Variants in OCM observed in about 807,000 individuals in gnomAD.
The protein encoded by OCM is oncomodulin-1.
In OCM, 18 loss-of-function variants were observed where a neutral mutation model predicts 14.1. That is an observed-to-expected ratio of 1.28 (90% CI 0.88 to 1.89). OCM has a LOEUF of 1.89. Ranked by LOEUF, OCM falls within the 40% of genes most tolerant of loss-of-function variation. The probability of loss-of-function intolerance (pLI) is 0.00; values close to 1 mark genes in which losing one functional copy is unlikely to be tolerated. For missense variants in OCM, 140 were observed against 137.6 expected (o/e 1.02, Z -0.09); for synonymous variants, 48 against 51.0 (o/e 0.94, Z 0.25).
upstream of OCM, among the ~76,000 whole-genome samples, chr7:5,878,875 T>TAAAA (rs57901741): frequency 5.9e-5 from 6 of 102,026 alleles, no homozygotes; most frequent in Admixed American, 1.1e-4. Flanking sequence ...TGCTGAAAGT[T>TAAAA]AAAAAAAAAA....
At chr7:5,885,315 C>T (rs558250487) in intron 3 of OCM, among the ~76,000 whole-genome samples, 49 of 152,224 alleles carry the variant, frequency 3.2e-4, no homozygotes, top group African/African-American at 8.7e-4. Context: ...AAGTCCCACC[C>T]TATCAAATAT....
upstream of OCM, among the ~76,000 whole-genome samples, chr7:5,877,093 A>C (rs1046892593): frequency 2.0e-5 from 3 of 152,058 alleles, no homozygotes; most frequent in Non-Finnish European, 4.4e-5. Flanking sequence ...GGCGTGAGCC[A>C]CCACACCCGG....
At chr7:5,885,485 A>G (rs1781312045) in intron 3 of OCM, among the ~76,000 whole-genome samples, 1 of 152,156 alleles carries the variant, frequency 6.6e-6, no homozygotes, top group Non-Finnish European at 1.5e-5. Flanking sequence ...GACAAGTTCT[A>G]ATTCAAAGAC....
chr7:5,874,223 C>CAAA, the OCM span, among the ~76,000 whole-genome samples: 77 of 31,490 alleles, frequency 2.4e-3, 9 homozygotes, highest in African/African-American at 6.1e-3. Flanking sequence ...GACTCTGTCT[C>CAAA]AAAAAAAAAA....
In OCM at chr7:5,882,555, A is replaced by G. The variant is rs371444161; in HGVS notation, c.124A>G (p.Asn42Asp). The G allele has an allele frequency of 1.2e-6, 2 of 1,614,152 alleles. No individual in the cohort carries two copies. Among genetic ancestry groups the G allele is most frequent in the Non-Finnish European group, 1.7e-6 (2 of 1,180,036 alleles). ...ATCAGGCCTCTCCAAGATGTCAGCC[A>G]ATCAGGTGAAGGATGTTTTCCGGTT... ...QTSGLSKMSA[N>D]QVKDVFRFID... Residue 42 changes from asparagine to aspartate, a missense_variant, in exon 2 of 4, where the codon AAT (asparagine) becomes GAT (aspartate). Asn to Asp is a conservative substitution (Grantham distance 23, BLOSUM62 1). Coordinates refer to ENST00000242104, the MANE Select transcript of OCM (RefSeq NM_001097622.2).
the OCM span, among the ~76,000 whole-genome samples, chr7:5,867,404 C>G: frequency 6.6e-6 from 1 of 152,094 alleles, no homozygotes; most frequent in Non-Finnish European, 1.5e-5. Context: ...TGACCTTCAT[C>G]TTCTCTTTAT....
At position 5,883,919 on chromosome 7, in the gene OCM, C is replaced by G; in HGVS notation, c.224C>G (p.Ala75Gly). 2 of 1,612,698 alleles carry G rather than the reference C, an allele frequency of 1.2e-6. No homozygotes were observed. Among genetic ancestry groups the G allele is most frequent in the South Asian group, 1.1e-5 (1 of 90,830 alleles). ...KFFLQKFESG[A>G]RELTESETKS... is the part of the protein sequence containing the mutation. Reference sequence around the variant, plus strand: ...TTCCTCCAGAAGTTTGAGAGTGGTGCCAGAGAACTGACCGAGTCAGAAACC... The same window carrying G: ...TTCCTCCAGAAGTTTGAGAGTGGTGGCAGAGAACTGACCGAGTCAGAAACC... Residue 75 changes from alanine (A) to glycine (G), a missense_variant, in exon 3 of 4, where the codon GCC becomes GGC. Coordinates refer to ENST00000242104, the MANE Select transcript of OCM (RefSeq NM_001097622.2).
At chr7:5,874,062 A>T in the OCM span, among the ~76,000 whole-genome samples, 6 of 144,150 alleles carry the variant, frequency 4.2e-5, no homozygotes, top group East Asian at 2.0e-4. Context: ...CTAAAAATAA[A>T]AAAAAAAAAA....
upstream of OCM, among the ~76,000 whole-genome samples, chr7:5,876,782 T>C (rs192148447): frequency 2.2e-3 from 331 of 151,848 alleles, 2 homozygotes; most frequent in African/African-American, 7.7e-3. Context: ...GGTCCTGCTC[T>C]AGGTATCCTG....
chr7:5,880,923 A>G lies in OCM; in HGVS notation c.34A>G (p.Ile12Val), dbSNP rs768577237. 10 of 1,607,090 alleles carry G rather than the reference A, an allele frequency of 6.2e-6. No individual in the cohort carries two copies. In the Admixed American group the frequency reaches 1.7e-4, roughly 27 times the overall value. ...CACGGACGTGCTCAGTGCTGACGAC[A>G]TTGCAGCAGCGCTCCAGGAATGCCG... ...SITDVLSADD[I>V]AAALQECRDP... The change falls in exon 1 of 4, where the codon ATT (isoleucine) becomes GTT (valine). Residue 12 changes from isoleucine to valine, a missense_variant. Ile to Val is a conservative substitution (Grantham distance 29). Transcript: ENST00000242104.
intron 3 of OCM, among the ~76,000 whole-genome samples, chr7:5,884,280 C>G (rs1306874759): frequency 6.6e-6 from 1 of 152,184 alleles, no homozygotes; most frequent in Non-Finnish European, 1.5e-5. Flanking sequence ...AGCTAGCCAC[C>G]TGGCCAATTA....
At chr7:5,867,370 GTC>G in the OCM span, among the ~76,000 whole-genome samples, 9 of 152,082 alleles carry the variant, frequency 5.9e-5, no homozygotes, top group Non-Finnish European at 1.2e-4. Flanking sequence ...AACATATTGT[GTC>G]TCTTTTTTCT....
At chr7:5,874,468 A>G in the OCM span, among the ~76,000 whole-genome samples, 2 of 152,080 alleles carry the variant, frequency 1.3e-5, no homozygotes, top group Admixed American at 1.3e-4. Context: ...TATGCAACAT[A>G]AAATACATAA....
chr7:5,869,050 G>A, the OCM span, among the ~76,000 whole-genome samples: 1 of 151,958 alleles, frequency 6.6e-6, no homozygotes, highest in Non-Finnish European at 1.5e-5. Flanking sequence ...GCAACAGAGT[G>A]AGACTCTGTC....
At chr7:5,876,246 C>T (rs925015533), upstream of OCM, among the ~76,000 whole-genome samples, 2 of 152,050 alleles carry the variant, frequency 1.3e-5, no homozygotes, top group Non-Finnish European at 2.9e-5. Flanking sequence ...TCAGGTAATC[C>T]ACGTGCCTCG....
intron 1 of OCM, 106 bp from the exon 2 acceptor site, chr7:5,882,387 A>G (rs1383457437): frequency 6.1e-6 from 8 of 1,315,852 alleles, no homozygotes; most frequent in Non-Finnish European, 8.6e-6. Flanking sequence ...CCCGTAGCTC[A>G]GGGATATTGT....
chr7:5,874,749 T>C, the OCM span, among the ~76,000 whole-genome samples: 2 of 151,990 alleles, frequency 1.3e-5, no homozygotes, highest in Admixed American at 6.6e-5. Context: ...CAAGCAATTT[T>C]CACGCCTCAG....
chr7:5,870,532 AT>A, the OCM span, among the ~76,000 whole-genome samples: 1 of 152,126 alleles, frequency 6.6e-6, no homozygotes, highest in South Asian at 2.1e-4. Context: ...AAAATAAGCC[AT>A]TACTCCAGGC....
At chr7:5,874,433 A>G in the OCM span, among the ~76,000 whole-genome samples, 1 of 152,120 alleles carries the variant, frequency 6.6e-6, no homozygotes, top group Non-Finnish European at 1.5e-5. Context: ...ATGCATATGC[A>G]ACATATGTCA....
Sources: gnomAD v4.1 joint callset for allele counts (sites outside exome capture counted in the v4.1 genomes callset) on GRCh38, gnomAD v4.1.1 for gene constraint, MANE v1.5 for transcripts, NCBI Gene and HGNC (gene_info 2026-07-23, HGNC 2026-07-21) for gene names.